Variants in CRISPLD2 observed in about 807,000 individuals in gnomAD.
The protein encoded by CRISPLD2 is cysteine rich secretory protein LCCL domain containing 2.
Under a neutral mutation model 71.1 loss-of-function variants are expected in CRISPLD2, and 47 were observed. The ratio of observed to expected loss-of-function variants is 0.66; its 90% CI spans 0.52 to 0.84. CRISPLD2 has a LOEUF of 0.84. Ranked by LOEUF, CRISPLD2 falls within the 40% of genes least tolerant of loss-of-function variation. CRISPLD2 has a pLI of 0.00. For missense variants in CRISPLD2, 830 were observed against 651.1 expected, an observed-to-expected ratio of 1.27 and a Z score of -2.99; for synonymous variants, 317 against 250.1, an observed-to-expected ratio of 1.27 and a Z score of -2.52.
At chr16:84,894,095 T>C (rs933200102) in intron 14 of CRISPLD2, among the ~76,000 whole-genome samples, 1 of 152,178 alleles carries the variant, frequency 6.6e-6, no homozygotes, top group East Asian at 1.9e-4. Context: ...GGTTTAGCAA[T>C]GATCCTCCTC....
intron 11 of CRISPLD2, among the ~76,000 whole-genome samples, chr16:84,877,157 A>G (rs1219862012): frequency 6.6e-6 from 1 of 152,204 alleles, no homozygotes; most frequent in Non-Finnish European, 1.5e-5. Context: ...TCCAAATAAG[A>G]AAGTCACCAT....
intron 13 of CRISPLD2, among the ~76,000 whole-genome samples, chr16:84,888,636 G>C (rs2071633771): frequency 6.6e-6 from 1 of 152,202 alleles, no homozygotes. Flanking sequence ...CGCTCTGCCT[G>C]ACTCACTGTA....
Position 84,877,495 on chromosome 16 carries a change from C to A in CRISPLD2, c.1214C>A (p.Ala405Glu). The A allele has an allele frequency of 6.2e-7, 1 of 1,613,854 alleles. No homozygotes were observed. The change falls in exon 12 of 15, where the codon GCA becomes GAA. Residue 405 changes from alanine (A) to glutamate (E), a missense_variant. By Grantham distance (107) the Ala-to-Glu change is moderately radical. Transcript: ENST00000262424. ...CAGCTGTGCCCGTTTGAAAAGCCAG[C>A]AACTCACTGCCCAAGGTAAGGCGGG... ...VAQLCPFEKP[A>E]THCPRIHCPA...
At chr16:84,832,252 G>C (rs141591002) in intron 1 of CRISPLD2, among the ~76,000 whole-genome samples, 1 of 152,214 alleles carries the variant, frequency 6.6e-6, no homozygotes, top group Non-Finnish European at 1.5e-5. Flanking sequence ...CCTCACAGCC[G>C]TAGGGCCTGT....
chr16:84,883,842 A>ATTTTT (rs11371326), intron 13 of CRISPLD2, among the ~76,000 whole-genome samples: 1 of 133,130 alleles, frequency 7.5e-6, no homozygotes, highest in Non-Finnish European at 1.6e-5. Flanking sequence ...GTCTTATTTA[A>ATTTTT]TTTTTTTTTT....
intron 1 of CRISPLD2, among the ~76,000 whole-genome samples, chr16:84,829,568 C>G (rs573568191): frequency 6.6e-6 from 1 of 152,290 alleles, no homozygotes; most frequent in South Asian, 2.1e-4. Context: ...CACCCCGACC[C>G]CCAGGCTTCT....
chr16:84,825,085 T>C (rs531261731), intron 1 of CRISPLD2, among the ~76,000 whole-genome samples: 3 of 152,124 alleles, frequency 2.0e-5, no homozygotes, highest in East Asian at 1.9e-4. Flanking sequence ...CCAGCCTGGG[T>C]GACGGAGCGA....
chr16:84,877,969 G>A (rs899325663), intron 12 of CRISPLD2, among the ~76,000 whole-genome samples: 1 of 151,878 alleles, frequency 6.6e-6, no homozygotes, highest in African/African-American at 2.4e-5. Flanking sequence ...CCAGCACTTT[G>A]GGAGGCCGAG....
chr16:84,909,099 C>T lies in CRISPLD2; in HGVS notation c.*2457C>T, dbSNP rs1255428089. 6.6e-6 allele frequency: 1 copy of T among 152,602 alleles called. No homozygotes were observed. The highest frequency in any genetic ancestry group is 6.5e-5 in the Admixed American group (1 of 15,276). The allele number at this position is 152,602 out of a possible 1,614,324, so 9.5% of individuals were successfully genotyped here. On this transcript the variant is annotated 3_prime_UTR_variant, in exon 15 of 15. Coordinates refer to ENST00000262424, the MANE Select transcript of CRISPLD2 (RefSeq NM_031476.4). Reference sequence around the variant, plus strand: ...ATAAGCCCTGTCCCTAGCACCACCTCTCCTGTGTGTGGAATAGAGGCCCCT... The same window carrying T: ...ATAAGCCCTGTCCCTAGCACCACCTTTCCTGTGTGTGGAATAGAGGCCCCT...
chr16:84,877,038 C>T (rs1288932623), intron 11 of CRISPLD2, among the ~76,000 whole-genome samples: 1 of 152,172 alleles, frequency 6.6e-6, no homozygotes, highest in Non-Finnish European at 1.5e-5. Flanking sequence ...GGGCTCCCAC[C>T]TCAGTCCTGG....
rs1409553269 is a variant in CRISPLD2 at position 84,877,605 on chromosome 16, T to A, written c.1229+95T>A. On this transcript the variant is annotated intron_variant, in intron 12 of 14. Coordinates refer to ENST00000262424, the MANE Select transcript of CRISPLD2 (RefSeq NM_031476.4). ...TGGCTCACAGCTGTAATCCCAGCACTTTGGGAGGCCGAGGCGGGTGGATCA... is the reference window on the plus strand; with the variant it reads ...TGGCTCACAGCTGTAATCCCAGCACATTGGGAGGCCGAGGCGGGTGGATCA... 1.2e-5 allele frequency: 14 copies of A among 1,180,932 alleles called. No individual in the cohort carries two copies. The East Asian group carries it at 3.6e-4, about 31-fold the overall frequency. 73.2% of individuals were successfully genotyped at this position (1,180,932 alleles called of 1,614,324 possible).
intron 7 of CRISPLD2, among the ~76,000 whole-genome samples, chr16:84,868,639 G>A (rs1964921210): frequency 6.6e-6 from 1 of 152,252 alleles, no homozygotes; most frequent in South Asian, 2.1e-4. Flanking sequence ...GAGAGGGGAA[G>A]CAAATTGTTC....
intron 7 of CRISPLD2, 71 bp from the exon 8 acceptor site, chr16:84,868,780 C>A: frequency 8.2e-7 from 1 of 1,217,826 alleles, no homozygotes; most frequent in Non-Finnish European, 1.2e-6. Context: ...GAATGTCCCT[C>A]AGCATGGGGA....
chr16:84,840,082 G>C (rs1359828511), intron 2 of CRISPLD2: 1 of 152,286 alleles, frequency 6.6e-6, no homozygotes, highest in African/African-American at 2.4e-5. Context: ...GTGGGTACAG[G>C]CATCATCATG....
At chr16:84,880,191 G>A (rs2071556169) in intron 12 of CRISPLD2, among the ~76,000 whole-genome samples, 1 of 152,142 alleles carries the variant, frequency 6.6e-6, no homozygotes, top group Admixed American at 6.5e-5. Context: ...TCCAAGAATG[G>A]GAGGGGCAGC....
intron 14 of CRISPLD2, among the ~76,000 whole-genome samples, chr16:84,889,752 TTGTGTGTGTG>T (rs60555979): frequency 0.021 from 2,982 of 139,312 alleles, 111 homozygotes; most frequent in African/African-American, 0.074. Context: ...TTGTTTTTCT[TTGTGTGTGTG>T]TGTGTGTGTG....
At chr16:84,823,149 T>G (rs1916269229) in intron 1 of CRISPLD2, among the ~76,000 whole-genome samples, 1 of 152,236 alleles carries the variant, frequency 6.6e-6, no homozygotes, top group South Asian at 2.1e-4. Flanking sequence ...CTCAGCATCA[T>G]GTTTTCAAGG....
At chr16:84,900,923 A>C (rs549853781) in intron 14 of CRISPLD2, among the ~76,000 whole-genome samples, 59 of 151,586 alleles carry the variant, frequency 3.9e-4, no homozygotes, top group African/African-American at 1.4e-3. Context: ...GGTGGTATGC[A>C]CCCGTGGTCC....
intron 4 of CRISPLD2, among the ~76,000 whole-genome samples, chr16:84,849,973 C>T (rs538955191): frequency 1.3e-5 from 2 of 151,798 alleles, no homozygotes; most frequent in African/African-American, 2.4e-5. Flanking sequence ...CAATCCTCCC[C>T]GCTCAGCTTC....
Sources: gnomAD v4.1 joint callset for allele counts (sites outside exome capture counted in the v4.1 genomes callset) on GRCh38, gnomAD v4.1.1 for gene constraint, MANE v1.5 for transcripts, NCBI Gene and HGNC (gene_info 2026-07-23, HGNC 2026-07-21) for gene names.